RBKS: variants seen among roughly 807,000 people sequenced by gnomAD.
The protein encoded by RBKS is ribokinase.
In RBKS, 33 loss-of-function variants were observed where a neutral mutation model predicts 33.9. The ratio of observed to expected loss-of-function variants is 0.97; its 90% CI spans 0.74 to 1.30. RBKS has a LOEUF of 1.30. RBKS is among the 50% of genes most tolerant of loss of function. RBKS has a pLI of 0.00. For missense variants in RBKS, 361 were observed against 392.6 expected, an observed-to-expected ratio of 0.92 and a Z score of 0.68; for synonymous variants, 125 against 143.0, an observed-to-expected ratio of 0.87 and a Z score of 0.90.
At position 27,832,722 on chromosome 2, in the gene RBKS, G is replaced by A. The variant is rs1195725539; in HGVS notation, c.570C>T (p.Tyr190=). 3.1e-6 allele frequency: 5 copies of A among 1,613,424 alleles called. No individual in the cohort carries two copies. The highest frequency in any genetic ancestry group is 2.5e-6 in the Non-Finnish European group (3 of 1,179,478). ...PAIADLDPQF[Y]TLSDVFCCNE... ...TGCAGCAGAACACATCTGAGAGGGT[G>A]TAGAACTGGGGATCCAGGTCAGCAA... Residue 190 remains tyrosine (Y), a synonymous_variant, in exon 6 of 8, where the codon TAC becomes TAT. Coordinates refer to ENST00000302188, the MANE Select transcript of RBKS (RefSeq NM_022128.3).
chr2:27,796,063 T>C (rs1205610716), intron 7 of RBKS, among the ~76,000 whole-genome samples: 1 of 152,236 alleles, frequency 6.6e-6, no homozygotes, highest in African/African-American at 2.4e-5. Flanking sequence ...TACACGTGAC[T>C]TTCTTTTGTG....
intron 7 of RBKS, among the ~76,000 whole-genome samples, chr2:27,786,686 G>A (rs1573030089): frequency 6.6e-6 from 1 of 151,852 alleles, no homozygotes; most frequent in South Asian, 2.1e-4. Context: ...GGAGGCTGAG[G>A]CAGAGAACTG....
intron 7 of RBKS, among the ~76,000 whole-genome samples, chr2:27,789,986 T>TATATATATATGTAGAGAGAGAG (rs1677490536): frequency 1.5e-5 from 2 of 130,936 alleles, no homozygotes; most frequent in African/African-American, 5.9e-5. Flanking sequence ...TATATATATG[T>TATATATATATGTAGAGAGAGAG]AGAGAGAGAG....
Position 27,827,648 on chromosome 2 carries a change from A to G in RBKS, c.714T>C (p.Ala238=). ...TCTGTGACAGCACCACACATCCTTCAGCCCCTAAGGTAATGATTACCACCT... is the reference window on the plus strand; with the variant it reads ...TCTGTGACAGCACCACACATCCTTCGGCCCCTAAGGTAATGATTACCACCT... ...GCQVVIITLG[A]EGCVVLSQTE... Residue 238 remains alanine, a synonymous_variant, in exon 7 of 8, where the codon GCT becomes GCC. Coordinates refer to ENST00000302188, the MANE Select transcript of RBKS (RefSeq NM_022128.3). 6.2e-7 allele frequency: 1 copy of G among 1,613,976 alleles called. No homozygotes were observed. The highest frequency in any genetic ancestry group is 8.5e-7 in the Non-Finnish European group (1 of 1,179,946).
intron 5 of RBKS, among the ~76,000 whole-genome samples, chr2:27,842,791 G>A (rs1358674888): frequency 6.6e-6 from 1 of 151,886 alleles, no homozygotes; most frequent in Non-Finnish European, 1.5e-5. Context: ...TGAGTAGCTG[G>A]AATTACAGGA....
chr2:27,877,582 C>T (rs1301212769), intron 1 of RBKS, among the ~76,000 whole-genome samples: 1 of 152,072 alleles, frequency 6.6e-6, no homozygotes, highest in African/African-American at 2.4e-5. Flanking sequence ...CCCCTGCCCC[C>T]CCAATAAAAG....
At chr2:27,851,979 A>C (rs1663755907) in intron 2 of RBKS, among the ~76,000 whole-genome samples, 2 of 152,222 alleles carry the variant, frequency 1.3e-5, no homozygotes, top group African/African-American at 4.8e-5. Flanking sequence ...ACTTTTGGGT[A>C]GAAAGATTCT....
At chr2:27,877,096 A>G (rs1403892895) in intron 1 of RBKS, among the ~76,000 whole-genome samples, 1 of 152,128 alleles carries the variant, frequency 6.6e-6, no homozygotes, top group Non-Finnish European at 1.5e-5. Flanking sequence ...TAGCTGGGGG[A>G]AAATCAGTTA....
At chr2:27,819,537 A>T (rs1421889259) in intron 7 of RBKS, among the ~76,000 whole-genome samples, 1 of 152,216 alleles carries the variant, frequency 6.6e-6, no homozygotes, top group Non-Finnish European at 1.5e-5. Flanking sequence ...GAAGTACGTG[A>T]ACTACCAAAT....
chr2:27,876,359 T>TA (rs1664316314), intron 1 of RBKS, among the ~76,000 whole-genome samples: 3 of 152,326 alleles, frequency 2.0e-5, no homozygotes, highest in Admixed American at 2.0e-4. Context: ...AATATTATGC[T>TA]AAGTGAAGTA....
chr2:27,876,935 T>C (rs1323219101), intron 1 of RBKS, among the ~76,000 whole-genome samples: 3 of 152,168 alleles, frequency 2.0e-5, no homozygotes, highest in Non-Finnish European at 2.9e-5. Flanking sequence ...AATCGGTCCT[T>C]ACTAGCACTT....
intron 1 of RBKS, among the ~76,000 whole-genome samples, chr2:27,867,798 G>GGA (rs1664130179): frequency 6.6e-6 from 1 of 152,142 alleles, no homozygotes; most frequent in East Asian, 1.9e-4. Flanking sequence ...ATGTATAGGG[G>GGA]ATTAGGAAGT....
Position 27,797,316 on chromosome 2 carries a change from A to T in RBKS, c.796-15528T>A, listed in dbSNP as rs1677684125. 3.3e-5 allele frequency among the ~76,000 whole-genome samples: 5 copies of T among 152,356 alleles called. No homozygotes were observed. In the South Asian group the frequency reaches 1.0e-3, roughly 32 times the overall value. On this transcript the variant is annotated intron_variant, in intron 7 of 7. Transcript: ENST00000302188. ...GGCCAGCTCACCAAGCTGTGTGCCT[A>T]GCAAGAGGGGCAGCTTCTTCTATAA...
chr2:27,832,021 G>C, intron 6 of RBKS, among the ~76,000 whole-genome samples: 1 of 152,190 alleles, frequency 6.6e-6, no homozygotes, highest in Non-Finnish European at 1.5e-5. Context: ...CGAGAGCTCT[G>C]TTCTAATGCT....
intron 1 of RBKS, among the ~76,000 whole-genome samples, chr2:27,865,723 C>G (rs1308389468): frequency 6.6e-6 from 1 of 151,558 alleles, no homozygotes; most frequent in African/African-American, 2.4e-5. Context: ...TGATTTTTTC[C>G]CCTAGTATTT....
chr2:27,802,493 G>C (rs1048737363), intron 7 of RBKS, among the ~76,000 whole-genome samples: 6 of 151,940 alleles, frequency 3.9e-5, no homozygotes, highest in African/African-American at 9.7e-5. Flanking sequence ...CGGGGGAAGA[G>C]GGAGGGTGAT....
chr2:27,851,375 T>C (rs913822496), intron 2 of RBKS, among the ~76,000 whole-genome samples: 5 of 152,136 alleles, frequency 3.3e-5, no homozygotes, highest in Non-Finnish European at 7.4e-5. Context: ...ATCAAGCCCA[T>C]AGTTCAATAC....
At chr2:27,850,869 C>T (rs1663732773) in intron 2 of RBKS, among the ~76,000 whole-genome samples, 1 of 152,108 alleles carries the variant, frequency 6.6e-6, no homozygotes. Context: ...GACAGATGTC[C>T]AGGGGGTTCT....
chr2:27,829,243 T>C (rs1388748115), intron 6 of RBKS, among the ~76,000 whole-genome samples: 1 of 151,978 alleles, frequency 6.6e-6, no homozygotes, highest in Non-Finnish European at 1.5e-5. Context: ...CTGTAGGTTG[T>C]TGATTGTGCT....
Sources: allele counts gnomAD v4.1 joint callset (sites outside exome capture counted in the v4.1 genomes callset), GRCh38; gene constraint gnomAD v4.1.1; transcripts MANE v1.5; gene names NCBI Gene and HGNC (gene_info 2026-07-23, HGNC 2026-07-21).